Variants in FRMD3 observed in about 807,000 individuals in gnomAD.
FRMD3 encodes the protein FERM domain containing 3, also known as FERM domain-containing protein 3.
In FRMD3, 33 loss-of-function variants were observed where a neutral mutation model predicts 70.2. That is an observed-to-expected ratio of 0.47 (90% CI 0.36 to 0.63). The LOEUF (loss-of-function observed/expected upper bound fraction) is 0.63. Among genes scored for constraint, FRMD3 ranks in the 20% least tolerant of loss-of-function variants. The pLI is 0.00. For missense variants in FRMD3, 632 were observed against 711.4 expected (o/e 0.89, Z 1.27); for synonymous variants, 279 against 255.9 (o/e 1.09, Z -0.86).
chr9:83,362,167 G>A (rs1490160324), intron 3 of FRMD3, among the ~76,000 whole-genome samples: 1 of 130,968 alleles, frequency 7.6e-6, no homozygotes, highest in Non-Finnish European at 1.6e-5. Context: ...CAAAATCGAT[G>A]CTGTTGGTTC....
chr9:83,311,973 A>G lies in FRMD3; in HGVS notation c.687T>C (p.Asp229=). Residue 229 remains aspartate (D), a splice_region_variant and synonymous_variant, in exon 8 of 14, where the codon GAT becomes GAC. Transcript: ENST00000304195. ...CTAAAAATGTTGTTGTGCCTGTTGA[A>G]TCCTGAAAAAAAAAAAAAAGAAAAA... ...TYGVDPHPCK[D]STGTTTFLGF... 6.4e-7 allele frequency: 1 copy of G among 1,561,626 alleles called. No homozygotes were observed. Among genetic ancestry groups the G allele is most frequent in the African/African-American group, 1.4e-5 (1 of 71,218 alleles).
chr9:83,353,476 G>C (rs1824231734), intron 3 of FRMD3, among the ~76,000 whole-genome samples: 1 of 152,166 alleles, frequency 6.6e-6, no homozygotes, highest in African/African-American at 2.4e-5. Context: ...TGAGGGTATA[G>C]AATAATATGT....
chr9:83,384,340 A>T (rs1481678769), intron 2 of FRMD3, among the ~76,000 whole-genome samples: 1 of 152,144 alleles, frequency 6.6e-6, no homozygotes, highest in East Asian at 1.9e-4. Context: ...CCCGAGAAGC[A>T]GGAAGCAGCC....
chr9:83,510,018 CAGAT>C (rs1829301937), intron 1 of FRMD3, among the ~76,000 whole-genome samples: 1 of 152,076 alleles, frequency 6.6e-6, no homozygotes, highest in Non-Finnish European at 1.5e-5. Context: ...ATTTTTCATA[CAGAT>C]AGTGTAATAA....
chr9:83,301,810 G>A (rs1400966087), intron 10 of FRMD3, among the ~76,000 whole-genome samples: 1 of 152,250 alleles, frequency 6.6e-6, no homozygotes, highest in African/African-American at 2.4e-5. Flanking sequence ...CTCAAAAGAA[G>A]CAGGTCAAAA....
the FRMD3 span, among the ~76,000 whole-genome samples, chr9:83,573,738 TTCTCTCTCTC>T: frequency 3.4e-5 from 5 of 146,238 alleles, no homozygotes; most frequent in Middle Eastern, 3.7e-3. Flanking sequence ...AAAAGAACGA[TTCTCTCTCTC>T]TCTCTCTCTC....
At chr9:83,271,591 CTGTTCTATCCAATTCAAAGAAA>C (rs1443362760) in intron 13 of FRMD3, among the ~76,000 whole-genome samples, 1 of 152,204 alleles carries the variant, frequency 6.6e-6, no homozygotes, top group East Asian at 1.9e-4. Flanking sequence ...ACAACAGTAT[CTGTTCTATCCAATTCAAAGAAA>C]TGGTCATGAG....
At chr9:83,552,113 C>T in the FRMD3 span, among the ~76,000 whole-genome samples, 3 of 152,102 alleles carry the variant, frequency 2.0e-5, no homozygotes, top group Non-Finnish European at 4.4e-5. Context: ...ACATTTAGTG[C>T]TGTGAATTTT....
chr9:83,399,315 G>T (rs1441592471), intron 1 of FRMD3, among the ~76,000 whole-genome samples: 1 of 152,086 alleles, frequency 6.6e-6, no homozygotes, highest in Non-Finnish European at 1.5e-5. Flanking sequence ...CCTCTACTGC[G>T]TACTGTGGCT....
At chr9:83,352,809 T>C (rs114099039) in intron 3 of FRMD3, among the ~76,000 whole-genome samples, 3,510 of 152,274 alleles carry the variant, frequency 0.023, 140 homozygotes, top group African/African-American at 0.08. Flanking sequence ...CTCCTGTCAA[T>C]GGTCTCCTCT....
chr9:83,293,759 G>C (rs11140007), intron 12 of FRMD3, among the ~76,000 whole-genome samples: 77,674 of 152,130 alleles, frequency 0.51, 21,246 homozygotes, highest in South Asian at 0.7. Context: ...CCCATGGCCA[G>C]GGACAGGGGC....
At chr9:83,438,540 C>G (rs1170801079) in intron 1 of FRMD3, among the ~76,000 whole-genome samples, 1 of 152,182 alleles carries the variant, frequency 6.6e-6, no homozygotes. Context: ...GCTGGGATTA[C>G]AGGTGCCTGT....
At chr9:83,522,382 C>A (rs1023814005) in intron 1 of FRMD3, among the ~76,000 whole-genome samples, 1 of 152,064 alleles carries the variant, frequency 6.6e-6, no homozygotes, top group Non-Finnish European at 1.5e-5. Context: ...CGTAGAGAAG[C>A]CTTCAGCGGC....
chr9:83,553,642 G>A, the FRMD3 span, among the ~76,000 whole-genome samples: 1 of 152,108 alleles, frequency 6.6e-6, no homozygotes, highest in Non-Finnish European at 1.5e-5. Context: ...CCCCAGCTTG[G>A]TTTATTCTGC....
chr9:83,585,398 A>G, the FRMD3 span, among the ~76,000 whole-genome samples: 14 of 152,318 alleles, frequency 9.2e-5, no homozygotes, highest in South Asian at 2.9e-3. Flanking sequence ...TCTGACATTC[A>G]TTGTTTCTTC....
the FRMD3 span, among the ~76,000 whole-genome samples, chr9:83,545,413 A>G: frequency 7.4e-6 from 1 of 135,364 alleles, no homozygotes; most frequent in Non-Finnish European, 1.5e-5. Flanking sequence ...GCTGGAGTGC[A>G]GTGGTGCGAT....
chr9:83,473,801 G>A (rs1218958980), intron 1 of FRMD3, among the ~76,000 whole-genome samples: 1 of 152,190 alleles, frequency 6.6e-6, no homozygotes, highest in East Asian at 1.9e-4. Context: ...CACAAGGAAT[G>A]TACCTTGCCC....
intron 1 of FRMD3, among the ~76,000 whole-genome samples, chr9:83,390,552 G>A (rs982605969): frequency 7.9e-5 from 12 of 152,100 alleles, no homozygotes; most frequent in Non-Finnish European, 1.3e-4. Context: ...TTTCTACTTC[G>A]GTAAAATAAG....
In FRMD3 at chr9:83,538,241, C is replaced by T. The variant is rs1396767188; in HGVS notation, c.-10G>A. On this transcript the variant is annotated 5_prime_UTR_variant, in exon 1 of 14. Coordinates refer to ENST00000304195, the MANE Select transcript of FRMD3 (RefSeq NM_174938.6). The surrounding 1 kb of genome is among the most constrained non-coding windows in gnomAD (Gnocchi z 4.7). ...GGCAGGAGGCGAACATGCACCGCGG[C>T]CGTGGGGAGCGAGCGGGAGGCTCAG... 6.4e-7 allele frequency: 1 copy of T among 1,554,852 alleles called. No individual in the cohort carries two copies. Among genetic ancestry groups the T allele is most frequent in the East Asian group, 2.4e-5 (1 of 41,278 alleles).
Sources: allele counts gnomAD v4.1 joint callset (sites outside exome capture counted in the v4.1 genomes callset), GRCh38; gene constraint gnomAD v4.1.1; non-coding constraint Gnocchi (gnomAD v3.1); transcripts MANE v1.5; gene names NCBI Gene and HGNC (gene_info 2026-07-23, HGNC 2026-07-21).